LETM1: variants seen among roughly 807,000 people sequenced by gnomAD.
LETM1 encodes leucine zipper and EF-hand containing transmembrane protein 1, also known as mitochondrial proton/calcium exchanger protein.
Under a neutral mutation model 74.5 loss-of-function variants are expected in LETM1, and 50 were observed. The ratio of observed to expected loss-of-function variants is 0.67; its 90% confidence interval spans 0.53 to 0.85. LETM1 has a LOEUF of 0.85. LETM1 is among the 40% of genes least tolerant of loss of function. The pLI is 0.00. For synonymous variants in LETM1, 446 were observed against 407.1 expected (o/e 1.10, Z -1.15); for missense variants, 824 against 967.8 (o/e 0.85, Z 1.97).
At chr4:1,835,070 C>T (rs746347993) in intron 4 of LETM1, 88 bp from the exon 5 acceptor site, 426 of 1,262,288 alleles carry the variant, frequency 3.4e-4, no homozygotes, top group Non-Finnish European at 4.6e-4. Flanking sequence ...CCGACCCCCA[C>T]TCCCAGAAAC....
At chr4:1,835,484 C>CA (rs554269812) in intron 4 of LETM1, among the ~76,000 whole-genome samples, 9 of 151,618 alleles carry the variant, frequency 5.9e-5, no homozygotes, top group African/African-American at 2.2e-4. Context: ...AACAAACAAA[C>CA]AAAAACAAAC....
At chr4:1,827,186 C>A (rs1036394354) in intron 6 of LETM1, among the ~76,000 whole-genome samples, 1 of 152,032 alleles carries the variant, frequency 6.6e-6, no homozygotes, top group Non-Finnish European at 1.5e-5. Context: ...CTGCTGGTGA[C>A]ACAGTCTTAG....
At chr4:1,828,421 G>A (rs1306167499) in intron 6 of LETM1, among the ~76,000 whole-genome samples, 87 of 112,512 alleles carry the variant, frequency 7.7e-4, no homozygotes, top group Admixed American at 2.0e-3. Context: ...TGGCCGGGCA[G>A]AGGGGCTCCT....
Position 1,856,061 on chromosome 4 carries a change from G to A in LETM1, c.-111C>T, listed in dbSNP as rs546583003. 6.5e-6 allele frequency: 4 copies of A among 614,006 alleles called. No homozygotes were observed. In the South Asian group the frequency reaches 2.5e-4, roughly 39 times the overall value. 38.0% of individuals were successfully genotyped at this position (614,006 alleles called of 1,614,324 possible). On this transcript the variant is annotated 5_prime_UTR_variant, in exon 1 of 14. Coordinates refer to ENST00000302787, the MANE Select transcript of LETM1 (RefSeq NM_012318.3). Reference sequence around the variant, plus strand: ...TCAGACCCGGCCCGCGCGGACGGCTGACAGAGGCGGCTGGCCTCGGACGGG... The same window carrying A: ...TCAGACCCGGCCCGCGCGGACGGCTAACAGAGGCGGCTGGCCTCGGACGGG...
chr4:1,850,260 G>A (rs1349323948), intron 1 of LETM1, among the ~76,000 whole-genome samples: 2 of 152,186 alleles, frequency 1.3e-5, no homozygotes, highest in Non-Finnish European at 2.9e-5. Flanking sequence ...GCACTGCTAA[G>A]TGAAGGGTCT....
intron 1 of LETM1, among the ~76,000 whole-genome samples, chr4:1,853,767 T>C (rs942330076): frequency 6.6e-6 from 1 of 152,150 alleles, no homozygotes; most frequent in Non-Finnish European, 1.5e-5. Context: ...TCATCTAAGA[T>C]GTTAATAGCA....
chr4:1,816,149 G>T (rs547289527), intron 12 of LETM1, among the ~76,000 whole-genome samples: 4 of 152,370 alleles, frequency 2.6e-5, no homozygotes, highest in Admixed American at 1.3e-4. Context: ...GTGGTGCCCT[G>T]GGCAGATGAG....
chr4:1,848,684 C>CCAGTCTGG (rs1447172852), intron 2 of LETM1, among the ~76,000 whole-genome samples: 1 of 142,754 alleles, frequency 7.0e-6, no homozygotes, highest in Non-Finnish European at 1.5e-5. Flanking sequence ...CCACTGCACT[C>CCAGTCTGG]CAGTCTGGGT....
chr4:1,828,217 C>CG (rs1367803996), intron 6 of LETM1, among the ~76,000 whole-genome samples: 20 of 107,072 alleles, frequency 1.9e-4, no homozygotes, highest in East Asian at 3.0e-4. Flanking sequence ...GCTGGCCGGG[C>CG]GGGGGGGGCT....
chr4:1,822,357 A>G, intron 9 of LETM1, 45 bp from the exon 10 acceptor site: 1 of 1,410,992 alleles, frequency 7.1e-7, no homozygotes, highest in Non-Finnish European at 9.4e-7. Context: ...CATCACACAG[A>G]AGCAGTCTTC....
chr4:1,832,566 A>G (rs1033965489), intron 6 of LETM1, among the ~76,000 whole-genome samples, 178 bp downstream of exon 6: 10 of 152,216 alleles, frequency 6.6e-5, no homozygotes, highest in African/African-American at 2.4e-4. Flanking sequence ...AAGGTGCCAG[A>G]GAAAAGACAT....
intron 2 of LETM1, among the ~76,000 whole-genome samples, chr4:1,843,844 G>A (rs1256604033): frequency 6.6e-6 from 1 of 152,174 alleles, no homozygotes; most frequent in Non-Finnish European, 1.5e-5. Flanking sequence ...GAGTCAAGGC[G>A]TGCCGAGAGC....
chr4:1,829,115 C>G (rs1355792589), intron 6 of LETM1, among the ~76,000 whole-genome samples: 6 of 119,334 alleles, frequency 5.0e-5, no homozygotes, highest in South Asian at 2.8e-4. Context: ...TAGGGGCGGC[C>G]GGGCAGAGGC....
chr4:1,835,125 A>C, intron 4 of LETM1, 143 bp from the exon 5 acceptor site: 1 of 784,614 alleles, frequency 1.3e-6, no homozygotes, highest in Non-Finnish European at 2.0e-6. Flanking sequence ...TACATTCTCA[A>C]ACTCTTTTAT....
chr4:1,819,458 C>T lies in LETM1; in HGVS notation c.1623G>A (p.Thr541=), dbSNP rs146198528. Residue 541 remains threonine, a synonymous_variant, in exon 11 of 14, where the codon ACG becomes ACA. Transcript: ENST00000302787. ...VLEGLKEEEI[T]KEEIDILSDA... ...CGCTGAGGATGTCGATTTCCTCCTTCGTGATCTCTTCCTCCTGGGATAAAA... is the reference window on the plus strand; with the variant it reads ...CGCTGAGGATGTCGATTTCCTCCTTTGTGATCTCTTCCTCCTGGGATAAAA... 39 of 1,612,868 alleles carry T rather than the reference C, an allele frequency of 2.4e-5. No individual in the cohort carries two copies. The African/African-American group carries it at 3.3e-4, about 14-fold the overall frequency.
chr4:1,823,896 G>A (rs1241515582), intron 7 of LETM1, 121 bp from the exon 8 acceptor site: 1 of 1,174,980 alleles, frequency 8.5e-7, no homozygotes, highest in African/African-American at 1.5e-5. Flanking sequence ...AGTTCTACAA[G>A]GTCTGTTTGT....
At chr4:1,832,289 C>T (rs991848791) in intron 6 of LETM1, among the ~76,000 whole-genome samples, 2 of 151,274 alleles carry the variant, frequency 1.3e-5, no homozygotes, top group South Asian at 2.1e-4. Context: ...GCAACAAGAT[C>T]GAAACACCGT....
intron 1 of LETM1, among the ~76,000 whole-genome samples, chr4:1,851,434 C>T (rs568016691): frequency 2.6e-5 from 4 of 152,218 alleles, no homozygotes; most frequent in South Asian, 2.1e-4. Flanking sequence ...TGGACCGATA[C>T]GTCACTTCAC....
intron 6 of LETM1, 138 bp downstream of exon 6, chr4:1,832,606 T>G: frequency 1.4e-6 from 1 of 733,420 alleles, no homozygotes; most frequent in Non-Finnish European, 2.3e-6. Flanking sequence ...AATCTGCAAG[T>G]GGCAAGACTC....
Sources: allele counts gnomAD v4.1 joint callset (sites outside exome capture counted in the v4.1 genomes callset), GRCh38; gene constraint gnomAD v4.1.1; transcripts MANE v1.5; gene names NCBI Gene and HGNC (gene_info 2026-07-23, HGNC 2026-07-21).